Variants in FRMD6 observed in about 807,000 individuals in gnomAD.
The protein encoded by FRMD6 is FERM domain containing 6, also known as FERM domain-containing protein 6.
In FRMD6, 37 loss-of-function variants were observed where a neutral mutation model predicts 73.2. That is an observed-to-expected ratio of 0.51 (90% CI 0.39 to 0.66). FRMD6 has a LOEUF of 0.66. Ranked by LOEUF, FRMD6 falls within the 30% of genes least tolerant of loss-of-function variation. The pLI is 0.00. For missense variants in FRMD6, 714 were observed against 780.5 expected (o/e 0.91, Z 1.02); for synonymous variants, 273 against 282.2 (o/e 0.97, Z 0.33).
the FRMD6 span, among the ~76,000 whole-genome samples, chr14:51,479,550 C>G: frequency 6.6e-6 from 1 of 152,180 alleles, no homozygotes; most frequent in Non-Finnish European, 1.5e-5. Flanking sequence ...GTCTTCTTTT[C>G]TGTGCCTGTG....
At chr14:51,515,125 CCT>C (rs144493981) in intron 1 of FRMD6, among the ~76,000 whole-genome samples, 1,666 of 152,274 alleles carry the variant, frequency 0.011, 36 homozygotes, top group South Asian at 0.053. Flanking sequence ...CACACATTCC[CCT>C]CTCATTCAGC....
chr14:51,647,443 A>C (rs1160903739), upstream of FRMD6, among the ~76,000 whole-genome samples: 2 of 152,232 alleles, frequency 1.3e-5, no homozygotes, highest in Admixed American at 1.3e-4. Flanking sequence ...GCTGAGAATA[A>C]TAAAAAGAGC....
In FRMD6 at chr14:51,689,893, C is replaced by T. The variant is rs2140358127; in HGVS notation, c.57C>T (p.Cys19=). 2 of 1,613,008 alleles carry T rather than the reference C, an allele frequency of 1.2e-6. No individual in the cohort carries two copies. The highest frequency in any genetic ancestry group is 1.1e-5 in the South Asian group (1 of 91,054). The change falls in exon 2 of 14, where the codon TGC becomes TGT. Residue 19 remains cysteine, a synonymous_variant. Coordinates refer to ENST00000344768, the MANE Select transcript of FRMD6 (RefSeq NM_001267046.2). The part of the protein sequence containing the change: ...NRVMQDRRSV[C]IFLPNDESLN... The stretch of plus-strand genomic sequence containing the variant: ...TCATGCAAGACCGCCGCAGTGTGTG[C>T]ATTTTCCTTCCCAACGATGAATCTC...
At chr14:51,515,223 T>G (rs1055214814) in intron 1 of FRMD6, among the ~76,000 whole-genome samples, 3 of 152,230 alleles carry the variant, frequency 2.0e-5, no homozygotes, top group African/African-American at 7.2e-5. Context: ...CCCACTCCAG[T>G]TCCCGTTACC....
Position 51,658,704 on chromosome 14 carries a change from T to C in FRMD6, c.-147+6708T>C, listed in dbSNP as rs142794927. On this transcript the variant is annotated intron_variant, in intron 1 of 13. Coordinates refer to ENST00000344768, the MANE Select transcript of FRMD6 (RefSeq NM_001267046.2). ...GGCAGTCTCCAGGAAGTACTTATTG[T>C]AAAACATAAGATTATGATTTCACTG... Among the ~76,000 whole-genome samples, 439 of 152,292 alleles carry C rather than the reference T, an allele frequency of 2.9e-3. 1 individual carries two copies. Among genetic ancestry groups the C allele is most frequent in the African/African-American group, 0.01 (421 of 41,552 alleles).
chr14:51,716,239 C>T (rs933745318), intron 10 of FRMD6, among the ~76,000 whole-genome samples: 1 of 151,934 alleles, frequency 6.6e-6, no homozygotes, highest in African/African-American at 2.4e-5. Context: ...TGGATTTCCT[C>T]CATTTAACAC....
chr14:51,616,643 A>G (rs1283872288), intron 2 of FRMD6, among the ~76,000 whole-genome samples: 2 of 152,134 alleles, frequency 1.3e-5, no homozygotes, highest in African/African-American at 2.4e-5. Context: ...GTGGTAAAGA[A>G]CACAGGCTCA....
At chr14:51,596,655 C>G (rs1033506513) in intron 2 of FRMD6, among the ~76,000 whole-genome samples, 1 of 152,086 alleles carries the variant, frequency 6.6e-6, no homozygotes, top group African/African-American at 2.4e-5. Flanking sequence ...TCTCAAGGCT[C>G]ATGGTTAAGC....
At chr14:51,421,438 G>A in the FRMD6 span, among the ~76,000 whole-genome samples, 44 of 152,244 alleles carry the variant, frequency 2.9e-4, no homozygotes, top group Admixed American at 9.2e-4. Context: ...GCAAATCACC[G>A]CCATTGAGTT....
At chr14:51,674,500 G>A (rs1008638238) in intron 1 of FRMD6, among the ~76,000 whole-genome samples, 2 of 152,132 alleles carry the variant, frequency 1.3e-5, no homozygotes, top group African/African-American at 4.8e-5. Flanking sequence ...TTATGTGTCA[G>A]TCTCAGTACT....
the FRMD6 span, among the ~76,000 whole-genome samples, chr14:51,438,945 C>T: frequency 6.6e-6 from 1 of 152,148 alleles, no homozygotes; most frequent in African/African-American, 2.4e-5. Flanking sequence ...GTAACTGTCC[C>T]AGCTCTCTGG....
intron 2 of FRMD6, among the ~76,000 whole-genome samples, chr14:51,586,293 A>G (rs1392587078): frequency 6.6e-6 from 1 of 152,080 alleles, no homozygotes; most frequent in Admixed American, 6.6e-5. Flanking sequence ...GTATAAGATG[A>G]TACCTCATTG....
intron 2 of FRMD6, among the ~76,000 whole-genome samples, chr14:51,639,671 G>A (rs532266087): frequency 2.0e-5 from 3 of 152,176 alleles, no homozygotes; most frequent in Admixed American, 6.5e-5. Flanking sequence ...TTTCAAATGC[G>A]TTGCATTCCT....
intron 2 of FRMD6, among the ~76,000 whole-genome samples, chr14:51,602,560 T>C (rs1566496559): frequency 6.6e-6 from 1 of 152,230 alleles, no homozygotes; most frequent in Non-Finnish European, 1.5e-5. Context: ...TGTTGAAACA[T>C]GGCCATGCTG....
chr14:51,492,815 A>G (rs572432094), intron 1 of FRMD6, among the ~76,000 whole-genome samples: 2 of 152,332 alleles, frequency 1.3e-5, no homozygotes, highest in South Asian at 2.1e-4. Context: ...ACAGTTGAAG[A>G]CATTAAGGTT....
At chr14:51,401,417 C>T in the FRMD6 span, among the ~76,000 whole-genome samples, 333 of 152,220 alleles carry the variant, frequency 2.2e-3, 1 homozygote, top group African/African-American at 5.2e-3. Context: ...TTGGGTTTGG[C>T]GGACACAAAC....
intron 2 of FRMD6, among the ~76,000 whole-genome samples, chr14:51,694,694 G>A (rs1895825321): frequency 6.6e-6 from 1 of 151,490 alleles, no homozygotes; most frequent in African/African-American, 2.4e-5. Flanking sequence ...TGTCTCAAGG[G>A]AAAAAAAATA....
At chr14:51,505,474 G>A (rs61312264) in intron 1 of FRMD6, among the ~76,000 whole-genome samples, 8,593 of 152,236 alleles carry the variant, frequency 0.056, 437 homozygotes, top group African/African-American at 0.13. Context: ...GGACAAAGAG[G>A]TTGTCTAGAA....
chr14:51,690,677 C>A (rs2140363722), intron 2 of FRMD6, among the ~76,000 whole-genome samples: 1 of 152,284 alleles, frequency 6.6e-6, no homozygotes, highest in East Asian at 1.9e-4. Flanking sequence ...CCACCGCGCC[C>A]AGCCTTAGAT....
Sources: gnomAD v4.1 joint callset for allele counts (sites outside exome capture counted in the v4.1 genomes callset) on GRCh38, gnomAD v4.1.1 for gene constraint, MANE v1.5 for transcripts, NCBI Gene and HGNC (gene_info 2026-07-23, HGNC 2026-07-21) for gene names.